ABLIM3: variants seen among roughly 807,000 people sequenced by gnomAD.
The protein encoded by ABLIM3 is actin binding LIM protein family member 3, also known as actin-binding LIM protein 3.
Under a neutral mutation model 109.5 loss-of-function variants are expected in ABLIM3, and 61 were observed. The ratio of observed to expected loss-of-function variants is 0.56; its 90% CI spans 0.45 to 0.69. The LOEUF is 0.69. ABLIM3 is among the 30% of genes least tolerant of loss of function. The probability of loss-of-function intolerance (pLI) is 0.00; values close to 1 mark genes in which losing one functional copy is unlikely to be tolerated. For missense variants in ABLIM3, 796 were observed against 889.5 expected, an observed-to-expected ratio of 0.89 and a Z score of 1.34; for synonymous variants, 300 against 324.8, an observed-to-expected ratio of 0.92 and a Z score of 0.82.
At chr5:149,186,612 T>C (rs2127479720) in intron 3 of ABLIM3, among the ~76,000 whole-genome samples, 1 of 152,252 alleles carries the variant, frequency 6.6e-6, no homozygotes, top group South Asian at 2.1e-4. Flanking sequence ...AAGCAAATGA[T>C]ACTCCTCTTT....
intron 3 of ABLIM3, among the ~76,000 whole-genome samples, chr5:149,195,196 A>T (rs1286662350): frequency 6.6e-6 from 1 of 152,206 alleles, no homozygotes; most frequent in Non-Finnish European, 1.5e-5. Context: ...CTTTTTCAAA[A>T]TCTCCCAGCA....
At chr5:149,187,030 T>TA (rs1235477529) in intron 3 of ABLIM3, among the ~76,000 whole-genome samples, 2 of 152,168 alleles carry the variant, frequency 1.3e-5, no homozygotes, top group Non-Finnish European at 2.9e-5. Flanking sequence ...AAAAAAGTTA[T>TA]ACAGATAATA....
At chr5:149,161,892 G>C (rs1002319769) in intron 2 of ABLIM3, among the ~76,000 whole-genome samples, 5 of 148,790 alleles carry the variant, frequency 3.4e-5, no homozygotes, top group African/African-American at 9.8e-5. Context: ...TGCGTGGGCT[G>C]TGTGTGTGTG....
chr5:149,177,359 A>G (rs1756033643), intron 2 of ABLIM3, among the ~76,000 whole-genome samples: 1 of 152,234 alleles, frequency 6.6e-6, no homozygotes, highest in Admixed American at 6.5e-5. Flanking sequence ...TTCAGAAAAC[A>G]TATCACTCAC....
chr5:149,201,658 A>G (rs1758502334), intron 5 of ABLIM3, among the ~76,000 whole-genome samples: 1 of 152,190 alleles, frequency 6.6e-6, no homozygotes, highest in Non-Finnish European at 1.5e-5. Flanking sequence ...TGCTGCTCCA[A>G]CCAGGTTTCC....
At position 149,161,055 on chromosome 5, in the gene ABLIM3, G is replaced by A. The variant is rs150519925; in HGVS notation, c.13+18947G>A. ...GACCACCTTCTTTCTTGGGTTTTCC[G>A]GGTGTGGATGTGGCTGCCCTCACCC... On this transcript the variant is annotated intron_variant, in intron 2 of 23. Transcript: ENST00000309868. Among the ~76,000 whole-genome samples the A allele has an allele frequency of 2.1e-3, 317 of 152,162 alleles. 1 individual carries two copies. Among genetic ancestry groups the A allele is most frequent in the African/African-American group, 7.4e-3 (306 of 41,486 alleles).
chr5:149,218,687 C>T (rs963829869), intron 8 of ABLIM3: 1 of 152,284 alleles, frequency 6.6e-6, no homozygotes, highest in Admixed American at 6.5e-5. Context: ...TTCCTGTGCC[C>T]TTCTTTGGAA....
At chr5:149,158,175 C>T (rs1008856818) in intron 2 of ABLIM3, among the ~76,000 whole-genome samples, 2 of 152,126 alleles carry the variant, frequency 1.3e-5, no homozygotes, top group African/African-American at 2.4e-5. Context: ...TTTCTTAGTG[C>T]CCTCTTTCAG....
intron 5 of ABLIM3, among the ~76,000 whole-genome samples, chr5:149,203,638 A>G (rs549439522): frequency 3.3e-5 from 5 of 151,812 alleles, no homozygotes; most frequent in East Asian, 1.9e-4. Context: ...ACCTTCGCCA[A>G]CGCTACCATA....
Position 149,146,347 on chromosome 5 carries a change from T to C in ABLIM3, c.13+4239T>C, listed in dbSNP as rs546278531. ...GGTCCCAGTTGTCGATTTTTGTTTT[T>C]GTTACAATTGCTTGCAAGGACTTAG... On this transcript the variant is annotated intron_variant, in intron 2 of 23. Transcript: ENST00000309868. Among the ~76,000 whole-genome samples, 65 of 152,334 alleles carry C rather than the reference T, an allele frequency of 4.3e-4. No individual in the cohort carries two copies. In the South Asian group the frequency reaches 7.3e-3, roughly 17 times the overall value.
At chr5:149,165,390 C>A (rs1286345509) in intron 2 of ABLIM3, among the ~76,000 whole-genome samples, 2 of 152,134 alleles carry the variant, frequency 1.3e-5, no homozygotes, top group African/African-American at 4.8e-5. Flanking sequence ...GAATTGAATA[C>A]ATTTATGTAT....
Position 149,237,609 on chromosome 5 carries a change from G to T in ABLIM3, c.1044+6G>T. On this transcript the variant is annotated splice_donor_region_variant and intron_variant, in intron 11 of 23. Coordinates refer to ENST00000309868, the MANE Select transcript of ABLIM3 (RefSeq NM_014945.5). ...AGAGATGTGGCTATGGAGAGGTATC[G>T]CATCTTGCCCTTCTCTCTGGGGCTA... 2 of 1,613,898 alleles carry T rather than the reference G, an allele frequency of 1.2e-6. No homozygotes were observed. The highest frequency in any genetic ancestry group is 1.7e-6 in the Non-Finnish European group (2 of 1,179,960).
At chr5:149,146,029 G>A (rs902313885) in intron 2 of ABLIM3, among the ~76,000 whole-genome samples, 8 of 152,154 alleles carry the variant, frequency 5.3e-5, no homozygotes, top group Admixed American at 4.6e-4. Flanking sequence ...GGTCTCAAAT[G>A]CTTCAGCCTC....
chr5:149,235,616 C>G (rs527396232), intron 10 of ABLIM3, among the ~76,000 whole-genome samples: 2 of 152,136 alleles, frequency 1.3e-5, no homozygotes, highest in South Asian at 4.1e-4. Flanking sequence ...AGTTATGGGT[C>G]GAGATGAGTT....
chr5:149,200,712 G>A (rs79371305), intron 5 of ABLIM3: 6,521 of 454,262 alleles, frequency 0.014, 273 homozygotes, highest in East Asian at 0.12. Context: ...CTGATCTTAT[G>A]TCCCATGGAC....
intron 2 of ABLIM3, among the ~76,000 whole-genome samples, chr5:149,160,354 G>A (rs1003322343): frequency 1.3e-5 from 2 of 151,740 alleles, no homozygotes; most frequent in Non-Finnish European, 2.9e-5. Context: ...AGCTACTCAA[G>A]AGGCTGACAC....
intron 5 of ABLIM3, chr5:149,200,727 C>T (rs142137205): frequency 0.017 from 6,265 of 378,498 alleles, 86 homozygotes; most frequent in Non-Finnish European, 0.021. Flanking sequence ...ATGGACGCCT[C>T]AATAGGGCTG....
intron 8 of ABLIM3, among the ~76,000 whole-genome samples, chr5:149,226,085 G>A (rs1432974547): frequency 6.8e-6 from 1 of 146,508 alleles, no homozygotes; most frequent in Non-Finnish European, 1.5e-5. Flanking sequence ...TATGTGCATG[G>A]AGATTTTAAA....
chr5:149,179,296 CTGTTTGTTTGTT>C lies in ABLIM3; in HGVS notation c.14-4138_14-4127del, dbSNP rs72115540. On this transcript the variant is annotated intron_variant, in intron 2 of 23. Coordinates refer to ENST00000309868, the MANE Select transcript of ABLIM3 (RefSeq NM_014945.5). ...TTTTAATCTCAGGGGCATTAATAAGCTGTTTGTTTGTTTGTTTGTTTGTTTGTTTTGTCTTAA... is the reference window on the plus strand; with the variant it reads ...TTTTAATCTCAGGGGCATTAATAAGCTGTTTGTTTGTTTGTTTTGTCTTAA... 1.2e-3 allele frequency among the ~76,000 whole-genome samples: 174 copies of C among 151,240 alleles called. 1 individual carries two copies. The highest frequency in any genetic ancestry group is 3.7e-3 in the African/African-American group (151 of 41,216).
Sources: gnomAD v4.1 joint callset for allele counts (sites outside exome capture counted in the v4.1 genomes callset) on GRCh38, gnomAD v4.1.1 for gene constraint, MANE v1.5 for transcripts, NCBI Gene and HGNC (gene_info 2026-07-23, HGNC 2026-07-21) for gene names.